CLIP1: variants seen among roughly 807,000 people sequenced by gnomAD.
CLIP1 encodes CAP-Gly domain containing linker protein 1.
CLIP1 carries 66 observed loss-of-function variants against 161.6 expected under a neutral mutation model. The ratio of observed to expected loss-of-function variants is 0.41; its 90% CI spans 0.33 to 0.50. The LOEUF (loss-of-function observed/expected upper bound fraction) is 0.50. Among genes scored for constraint, CLIP1 ranks in the 20% least tolerant of loss-of-function variants. The probability of loss-of-function intolerance (pLI) is 0.27; values close to 1 mark genes in which losing one functional copy is unlikely to be tolerated. For missense variants in CLIP1, 1,376 were observed against 1,702.0 expected (o/e 0.81, Z 3.37); for synonymous variants, 598 against 626.2 (o/e 0.96, Z 0.67).
In CLIP1 at chr12:122,355,430, G is replaced by A; in HGVS notation, c.1006-118C>T. On this transcript the variant is annotated intron_variant, in intron 5 of 25. Transcript: ENST00000620786. This position sits in a 1 kb window ranked among gnomAD's most constrained non-coding sequence, Gnocchi z 4.1. ...AGCAAGGGCGCTGCTCCAGCTGGCA[G>A]GCTGGCCAGGATTAGGAAAGGCTTC... The A allele has an allele frequency of 3.6e-6, 3 of 831,306 alleles. No homozygotes were observed. The highest frequency in any genetic ancestry group is 5.7e-6 in the Non-Finnish European group (3 of 521,932). The allele number at this position is 831,306 out of a possible 1,614,324, so 51.5% of individuals were successfully genotyped here. A position where few individuals can be genotyped will look rare whatever the true frequency, so the allele number is the denominator to read the frequency against.
At chr12:122,332,794 C>T (rs1030209200) in intron 15 of CLIP1, among the ~76,000 whole-genome samples, 193 bp downstream of exon 15, 1 of 152,026 alleles carries the variant, frequency 6.6e-6, no homozygotes, top group Non-Finnish European at 1.5e-5. Context: ...TTGTTCTTGA[C>T]AAGTAAGATA....
At position 122,351,136 on chromosome 12, in the gene CLIP1, C is replaced by A. The variant is rs1331149361; in HGVS notation, c.1376G>T (p.Ser459Ile). The A allele has an allele frequency of 2.6e-6, 4 of 1,511,442 alleles. No individual in the cohort carries two copies. Among genetic ancestry groups the A allele is most frequent in the Admixed American group, 2.3e-5 (1 of 43,684 alleles). The allele number at this position is 1,511,442 out of a possible 1,614,324, so 93.6% of individuals were successfully genotyped here. A position where few individuals can be genotyped will look rare whatever the true frequency, so the allele number is the denominator to read the frequency against. Reference sequence around the variant, plus strand: ...ATTCTCAGGATCTTCAGAAATCTGGCTCTTTTGCTATCAGTAAAAAAATAA... The same window carrying A: ...ATTCTCAGGATCTTCAGAAATCTGGATCTTTTGCTATCAGTAAAAAAATAA... ...SITKGDLEQK[S>I]QISEDPENTQ... The change falls in exon 9 of 26, where the codon AGC (serine) becomes ATC (isoleucine). Residue 459 changes from serine (S) to isoleucine (I), a missense_variant. Ser to Ile is a moderately radical substitution (Grantham distance 142). Around this residue, in one of 6 missense-constraint regions of CLIP1, gnomAD observed 948 missense variants for 1,134.8 expected, o/e 0.84. Transcript: ENST00000620786.
intron 5 of CLIP1, 123 bp downstream of exon 5, chr12:122,360,836 A>C (rs1016391898): frequency 7.7e-6 from 6 of 780,136 alleles, no homozygotes; most frequent in African/African-American, 7.0e-5. Context: ...TTTCACAGCA[A>C]AAGCTGTGAG....
chr12:122,339,694 A>G (rs1952405491), intron 11 of CLIP1, among the ~76,000 whole-genome samples: 1 of 152,262 alleles, frequency 6.6e-6, no homozygotes, highest in Non-Finnish European at 1.5e-5. Context: ...ATAGATAAGC[A>G]ATTACAGTCA....
At chr12:122,332,209 T>C (rs1407660080) in intron 15 of CLIP1, among the ~76,000 whole-genome samples, 1 of 150,082 alleles carries the variant, frequency 6.7e-6, no homozygotes, top group Non-Finnish European at 1.5e-5. Context: ...GCAGGAGAAT[T>C]GCTTGAACCC....
chr12:122,400,518 G>A (rs113377504), intron 1 of CLIP1: 2 of 148,652 alleles, frequency 1.3e-5, no homozygotes, highest in Non-Finnish European at 3.0e-5. Flanking sequence ...GGGCTTTGGG[G>A]GCACATGGGA....
intron 20 of CLIP1, among the ~76,000 whole-genome samples, chr12:122,300,797 C>A (rs781440762): frequency 2.6e-5 from 4 of 152,168 alleles, no homozygotes; most frequent in Non-Finnish European, 5.9e-5. Context: ...CACATTCTCT[C>A]TATATTTTTT....
intron 1 of CLIP1, among the ~76,000 whole-genome samples, chr12:122,392,038 AG>A (rs1955681811): frequency 6.6e-6 from 1 of 152,308 alleles, no homozygotes; most frequent in Non-Finnish European, 1.5e-5. Context: ...TAGGGGGCTG[AG>A]GTGAGAGGAT....
intron 3 of CLIP1, among the ~76,000 whole-genome samples, chr12:122,371,564 T>C (rs1181245993): frequency 6.6e-6 from 1 of 152,160 alleles, no homozygotes; most frequent in Non-Finnish European, 1.5e-5. Context: ...CTCTCTGTAA[T>C]TGTGCAAAGA....
At position 122,360,964 on chromosome 12, in the gene CLIP1, C is replaced by T. The variant is rs1489974859; in HGVS notation, c.1000G>A (p.Gly334Arg). The change falls in exon 5 of 26, where the codon GGA (glycine) becomes AGA (arginine). Residue 334 changes from glycine to arginine, a missense_variant. Physicochemically the swap from Gly to Arg is moderately radical, Grantham distance 125. Coordinates refer to ENST00000620786, the MANE Select transcript of CLIP1 (RefSeq NM_001247997.2). ...TAGTGAGAAAGGGGCCTTACTAGTC[C>T]TGTCCGACTGGGCCTGCTGCTCACA... ...SSVSSRPSRTGLLTETSSRYA... is the reference protein window; with the variant it reads ...SSVSSRPSRTRLLTETSSRYA... The T allele has an allele frequency of 6.2e-7, 1 of 1,611,608 alleles. No homozygotes were observed. Among genetic ancestry groups the T allele is most frequent in the African/African-American group, 1.3e-5 (1 of 74,924 alleles).
upstream of CLIP1, among the ~76,000 whole-genome samples, chr12:122,422,877 C>G (rs998713398): frequency 3.3e-5 from 5 of 151,788 alleles, no homozygotes; most frequent in East Asian, 3.9e-4. Flanking sequence ...CGAACCCTCC[C>G]GAGCCCCGGC....
At chr12:122,405,963 A>T (rs1416779213) in intron 1 of CLIP1, among the ~76,000 whole-genome samples, 4 of 151,994 alleles carry the variant, frequency 2.6e-5, no homozygotes, top group Non-Finnish European at 5.9e-5. Flanking sequence ...GCTACTCAGA[A>T]GGCTGAGGCA....
Position 122,355,375 on chromosome 12 carries a change from A to G in CLIP1, c.1006-63T>C, listed in dbSNP as rs1379070926. 2.1e-6 allele frequency: 3 copies of G among 1,461,654 alleles called. No individual in the cohort carries two copies. The African/African-American group carries it at 4.2e-5, about 20-fold the overall frequency. The allele number at this position is 1,461,654 out of a possible 1,614,324, so 90.5% of individuals were successfully genotyped here. A position where few individuals can be genotyped will look rare whatever the true frequency, so the allele number is the denominator to read the frequency against. On this transcript the variant is annotated intron_variant, in intron 5 of 25. Transcript: ENST00000620786. The surrounding 1 kb of genome is among the most constrained non-coding windows in gnomAD (Gnocchi z 4.1). ...CTGTCAGAAAAGCGAGGGAGGCGCG[A>G]TGCATGCATGGCGGGCATCTGCTCG...
At position 122,407,748 on chromosome 12, in the gene CLIP1, CAAAAAAA is replaced by C. The variant is rs35500806; in HGVS notation, c.-107+14766_-107+14772del. Among the ~76,000 whole-genome samples the C allele has an allele frequency of 5.2e-4, 20 of 38,338 alleles. No homozygotes were observed. In the East Asian group the frequency reaches 5.8e-3, roughly 11 times the overall value. The allele number at this position is 38,338 out of a possible 152,430, so 25.2% of individuals were successfully genotyped here. A position where few individuals can be genotyped will look rare whatever the true frequency, so the allele number is the denominator to read the frequency against. ...GAGGGTTTTTGGTGAGACCCTGTCT[CAAAAAAA>C]AAAAAAAAAAAAAAAAAAGAATTGA... On this transcript the variant is annotated intron_variant, in intron 1 of 25. Transcript: ENST00000620786.
intron 5 of CLIP1, among the ~76,000 whole-genome samples, chr12:122,356,627 C>T (rs892180963): frequency 6.4e-4 from 98 of 151,944 alleles, no homozygotes; most frequent in Admixed American, 2.6e-4. Context: ...TCCCTCTCTC[C>T]CTCTCCCTCT....
In CLIP1 at chr12:122,311,669, C is replaced by T. The variant is rs575777976; in HGVS notation, c.3474-1787G>A. 2.6e-5 allele frequency among the ~76,000 whole-genome samples: 4 copies of T among 151,812 alleles called. No individual in the cohort carries two copies. The highest frequency in any genetic ancestry group is 6.6e-5 in the Admixed American group (1 of 15,224). ...GGATCTCTTGACCTCGTGATCTGCC[C>T]GCCTCGGCCTCCCAAAGTGCTGGGA... On this transcript the variant is annotated intron_variant, in intron 19 of 25. Coordinates refer to ENST00000620786, the MANE Select transcript of CLIP1 (RefSeq NM_001247997.2). The surrounding 1 kb of genome is among the most constrained non-coding windows in gnomAD (Gnocchi z 4.3).
intron 3 of CLIP1, chr12:122,365,491 G>C: frequency 1.0e-5 from 8 of 801,988 alleles, no homozygotes; most frequent in South Asian, 9.4e-5. Context: ...AAAATGATCA[G>C]AAAAAGAAAG....
chr12:122,353,475 C>T (rs1953152172), intron 7 of CLIP1, among the ~76,000 whole-genome samples: 1 of 152,036 alleles, frequency 6.6e-6, no homozygotes. Context: ...ATTAGCCAGG[C>T]ATGTTGGCAT....
intron 5 of CLIP1, 38 bp downstream of exon 5, chr12:122,360,921 C>G (rs755954048): frequency 6.4e-7 from 1 of 1,553,602 alleles, no homozygotes; most frequent in Admixed American, 1.8e-5. Flanking sequence ...TTAATCCTGC[C>G]TGGGAAGTGG....
Sources: gnomAD v4.1 joint callset for allele counts (sites outside exome capture counted in the v4.1 genomes callset) on GRCh38, gnomAD v4.1.1 for gene constraint, gnomAD v4.1.1 regional missense constraint, Gnocchi (gnomAD v3.1) non-coding constraint, MANE v1.5 for transcripts, NCBI Gene and HGNC (gene_info 2026-07-23, HGNC 2026-07-21) for gene names.